The following ABHD14B variants were observed in gnomAD, a reference collection of about 807,000 sequenced individuals.
ABHD14B encodes the protein putative protein-lysine deacylase ABHD14B.
ABHD14B carries 19 observed loss-of-function variants against 15.4 expected under a neutral mutation model. The ratio of observed to expected loss-of-function variants is 1.23; its 90% CI spans 0.86 to 1.81. ABHD14B has a LOEUF of 1.81. Among genes scored for constraint, ABHD14B ranks in the 40% most tolerant of loss-of-function variants. ABHD14B has a pLI of 0.00. For missense variants in ABHD14B, 243 were observed against 267.0 expected, an observed-to-expected ratio of 0.91 and a Z score of 0.63; for synonymous variants, 92 against 117.3, an observed-to-expected ratio of 0.78 and a Z score of 1.39.
Position 51,971,536 on chromosome 3 carries a change from G to A in ABHD14B, c.135C>T (p.Ser45=), listed in dbSNP as rs768362380. 1.8e-5 allele frequency: 29 copies of A among 1,613,442 alleles called. No homozygotes were observed. Among genetic ancestry groups the A allele is most frequent in the South Asian group, 4.4e-5 (4 of 91,066 alleles). Residue 45 remains serine, a synonymous_variant, in exon 2 of 4, where the codon TCC becomes TCT. Coordinates refer to ENST00000361143, the MANE Select transcript of ABHD14B (RefSeq NM_001146314.2). ...VLLLHGIRFS[S]ETWQNLGTLH... is the part of the protein sequence containing the mutation. ...GTGTACCCAGGTTCTGCCAGGTCTCGGAGGAGAAGCGAATACCATGCAGCA... is the reference window on the plus strand; with the variant it reads ...GTGTACCCAGGTTCTGCCAGGTCTCAGAGGAGAAGCGAATACCATGCAGCA...
chr3:51,971,503 C>A lies in ABHD14B; in HGVS notation c.168G>T (p.Arg56Ser). 1 of 1,610,522 alleles carries A rather than the reference C, an allele frequency of 6.2e-7. No individual in the cohort carries two copies. The highest frequency in any genetic ancestry group is 1.7e-4 in the Middle Eastern group (1 of 6,030). ...CAGCCCGGTAGCCAGCCTGGGCCAG[C>A]CTGTGCAGTGTACCCAGGTTCTGCC... is the stretch of plus-strand genomic sequence containing the variant. ...ETWQNLGTLHRLAQAGYRAVA... is the reference protein window; with the variant it reads ...ETWQNLGTLHSLAQAGYRAVA... Residue 56 changes from arginine to serine, a missense_variant, in exon 2 of 4, where the codon AGG becomes AGT. Arg to Ser is a moderately radical substitution (Grantham distance 110). Coordinates refer to ENST00000361143, the MANE Select transcript of ABHD14B (RefSeq NM_001146314.2).
intron 1 of ABHD14B, chr3:51,973,691 G>A: frequency 2.2e-6 from 1 of 451,752 alleles, no homozygotes; most frequent in South Asian, 1.9e-5. Flanking sequence ...CCATTTTCTA[G>A]AGGCGGAAAC....
At chr3:51,974,095 G>A (rs970306916), upstream of ABHD14B, 1 of 1,258,978 alleles carries the variant, frequency 7.9e-7, no homozygotes, top group East Asian at 5.6e-5. Flanking sequence ...GTGCTCCGGG[G>A]CGCCCTCTTG....
rs1405446832 is a variant in ABHD14B, at chr3:51,974,012, G to A, written c.-76C>T. ...GCAGACGGGAAGCAGGCGCGTGCTG[G>A]CGGTGACCTGGGGCCGGAGGAGGAA... On this transcript the variant is annotated 5_prime_UTR_variant, in exon 1 of 4. Transcript: ENST00000361143. 3.9e-6 allele frequency: 5 copies of A among 1,288,914 alleles called. No individual in the cohort carries two copies. Among genetic ancestry groups the A allele is most frequent in the Non-Finnish European group, 5.1e-6 (5 of 988,854 alleles). 79.8% of individuals were successfully genotyped at this position (1,288,914 alleles called of 1,614,324 possible). A position where few individuals can be genotyped will look rare whatever the true frequency, so the allele number is the denominator to read the frequency against.
At position 51,971,680 on chromosome 3, in the gene ABHD14B, T is replaced by C; in HGVS notation, c.-10A>G. The C allele has an allele frequency of 6.2e-7, 1 of 1,610,184 alleles. No homozygotes were observed. The highest frequency in any genetic ancestry group is 8.5e-7 in the Non-Finnish European group (1 of 1,178,732). On this transcript the variant is annotated 5_prime_UTR_variant, in exon 2 of 4. Coordinates refer to ENST00000361143, the MANE Select transcript of ABHD14B (RefSeq NM_001146314.2). ...CCACGCTTGCTGCCATGCCTGCTGC[T>C]GCTGTGCTGGTGAAGGGCCTGTGGT...
rs4687793 is a variant in ABHD14B, at chr3:51,969,872, A to G, written c.453+71T>C. ...CACCCCTTGATTATCCAGCCCCCAGATGAGGAAAGCCCAGGGATGCACCCT... is the reference window on the plus strand; with the variant it reads ...CACCCCTTGATTATCCAGCCCCCAGGTGAGGAAAGCCCAGGGATGCACCCT... On this transcript the variant is annotated intron_variant, in intron 3 of 3. Coordinates refer to ENST00000361143, the MANE Select transcript of ABHD14B (RefSeq NM_001146314.2). The G allele has an allele frequency of 1.5e-4, 237 of 1,612,760 alleles. No individual in the cohort carries two copies. The African/African-American group carries it at 2.4e-3, about 16-fold the overall frequency.
chr3:51,969,418 G>A lies in ABHD14B; in HGVS notation c.*8C>T, dbSNP rs1452310984. The A allele has an allele frequency of 4.4e-6, 7 of 1,607,246 alleles. No homozygotes were observed. Among genetic ancestry groups the A allele is most frequent in the Admixed American group, 1.7e-5 (1 of 59,588 alleles). ...CAGGCAGCCCACCCCCTGCAGCAGTGCTGGGCTTCACTGGAGCCCCTGCAG... is the reference window on the plus strand; with the variant it reads ...CAGGCAGCCCACCCCCTGCAGCAGTACTGGGCTTCACTGGAGCCCCTGCAG... On this transcript the variant is annotated 3_prime_UTR_variant, in exon 4 of 4. Transcript: ENST00000361143.
chr3:51,969,855 G>A (rs201128395), intron 3 of ABHD14B, 88 bp downstream of exon 3: 15 of 1,608,670 alleles, frequency 9.3e-6, no homozygotes, highest in Admixed American at 1.7e-5. Context: ...GACACCCCTT[G>A]ATTATCCAGC....
chr3:51,973,811 G>A, intron 1 of ABHD14B, 154 bp downstream of exon 1: 1 of 1,288,270 alleles, frequency 7.8e-7, no homozygotes, highest in Non-Finnish European at 1.0e-6. Flanking sequence ...CGCGGACTAC[G>A]GTTCTGGCTC....
intron 2 of ABHD14B, chr3:51,971,204 A>G (rs977809434): frequency 5.9e-5 from 29 of 490,568 alleles, no homozygotes; most frequent in African/African-American, 5.2e-4. Context: ...ACAGAGGCTC[A>G]GAGACACTGA....
At chr3:51,973,218 GTT>G (rs777687947) in intron 1 of ABHD14B, among the ~76,000 whole-genome samples, 3 of 139,844 alleles carry the variant, frequency 2.1e-5, no homozygotes, top group East Asian at 4.1e-4. Context: ...CTAATTTTTT[GTT>G]TTTTTTTTTT....
rs763030954 is a variant in ABHD14B, at chr3:51,969,385, A to G, written c.*41T>C. 1 of 1,568,756 alleles carries G rather than the reference A, an allele frequency of 6.4e-7. No individual in the cohort carries two copies. Among genetic ancestry groups the G allele is most frequent in the Non-Finnish European group, 8.6e-7 (1 of 1,157,228 alleles). ...AGAGAGAGCGTGCAAGAGAGAGCTCAGAGCAGGCAGGCAGCCCACCCCCTG... is the reference window on the plus strand; with the variant it reads ...AGAGAGAGCGTGCAAGAGAGAGCTCGGAGCAGGCAGGCAGCCCACCCCCTG... On this transcript the variant is annotated 3_prime_UTR_variant, in exon 4 of 4. Transcript: ENST00000361143.
At position 51,971,495 on chromosome 3, in the gene ABHD14B, T is replaced by C. The variant is rs1438731311; in HGVS notation, c.176A>G (p.Gln59Arg). Residue 59 changes from glutamine (Q) to arginine (R), a missense_variant, in exon 2 of 4, where the codon CAG (glutamine) becomes CGG (arginine). Physicochemically the swap from Gln to Arg is conservative, Grantham distance 43. Transcript: ENST00000361143. ...AATGGCCACAGCCCGGTAGCCAGCC[T>C]GGGCCAGCCTGTGCAGTGTACCCAG... Reference protein sequence around the residue: ...QNLGTLHRLAQAGYRAVAIDL... With the variant: ...QNLGTLHRLARAGYRAVAIDL... The C allele has an allele frequency of 1.2e-6, 2 of 1,602,084 alleles. No individual in the cohort carries two copies. Among genetic ancestry groups the C allele is most frequent in the Non-Finnish European group, 1.7e-6 (2 of 1,173,080 alleles).
At chr3:51,973,099 G>A (rs1700688498) in intron 1 of ABHD14B, among the ~76,000 whole-genome samples, 2 of 146,240 alleles carry the variant, frequency 1.4e-5, no homozygotes, top group Admixed American at 1.4e-4. Flanking sequence ...AGGCTGGAGT[G>A]CAATGGCACA....
At position 51,971,535 on chromosome 3, in the gene ABHD14B, C is replaced by CG; in HGVS notation, c.135dup (p.Glu46ArgfsTer23). ...AGTGTACCCAGGTTCTGCCAGGTCTCGGAGGAGAAGCGAATACCATGCAGC... is the reference window on the plus strand; with the variant it reads ...AGTGTACCCAGGTTCTGCCAGGTCTCGGGAGGAGAAGCGAATACCATGCAGC... On this transcript the variant is annotated frameshift_variant, in exon 2 of 4. Transcript: ENST00000361143. LOFTEE classifies it high-confidence loss of function. 1 of 1,613,504 alleles carries CG rather than the reference C, an allele frequency of 6.2e-7. No homozygotes were observed. The highest frequency in any genetic ancestry group is 8.5e-7 in the Non-Finnish European group (1 of 1,179,772).
intron 1 of ABHD14B, among the ~76,000 whole-genome samples, chr3:51,973,221 T>TG (rs1323545166): frequency 6.6e-6 from 1 of 151,528 alleles, no homozygotes; most frequent in Non-Finnish European, 1.5e-5. Flanking sequence ...ATTTTTTGTT[T>TG]TTTTTTTTTT....
chr3:51,971,241 C>T, intron 2 of ABHD14B: 1 of 527,244 alleles, frequency 1.9e-6, no homozygotes, highest in Non-Finnish European at 3.4e-6. Flanking sequence ...CAGTGAGGAG[C>T]AGCTGGGCGG....
chr3:51,970,809 CCTGAGGGGGTGGGGCCAGCCATG>C, intron 2 of ABHD14B: 1 of 456,096 alleles, frequency 2.2e-6, no homozygotes, highest in South Asian at 1.5e-5. Context: ...CCATCCCTGG[CCTGAGGGGGTGGGGCCAGCCATG>C]CTGCTCCTTT....
chr3:51,969,951 T>G lies in ABHD14B; in HGVS notation c.445A>C (p.Ser149Arg). 1 of 1,614,174 alleles carries G rather than the reference T, an allele frequency of 6.2e-7. No homozygotes were observed. Among genetic ancestry groups the G allele is most frequent in the Non-Finnish European group, 8.5e-7 (1 of 1,180,018 alleles). ...TTCCCACACAAGGGTACCTTCACAC[T>G]GGCATAGTTGGCAGCATTGATTTTG... Reference protein sequence around the residue: ...TDKINAANYASVKTPALIVYG... With the variant: ...TDKINAANYARVKTPALIVYG... The change falls in exon 3 of 4, where the codon AGT becomes CGT. Residue 149 changes from serine to arginine, a missense_variant. Transcript: ENST00000361143.
Sources: allele counts gnomAD v4.1 joint callset (sites outside exome capture counted in the v4.1 genomes callset), GRCh38; gene constraint gnomAD v4.1.1; transcripts MANE v1.5; gene names NCBI Gene and HGNC (gene_info 2026-07-23, HGNC 2026-07-21).